JMJD1C: variants seen among roughly 807,000 people sequenced by gnomAD.
JMJD1C encodes jumonji domain containing 1C, also known as jumonji domain-containing protein 1C.
JMJD1C carries 31 observed loss-of-function variants against 245.3 expected under a neutral mutation model. The ratio of observed to expected loss-of-function variants is 0.13; its 90% CI spans 0.09 to 0.17. The LOEUF is 0.17. JMJD1C is among the 10% of genes least tolerant of loss of function. The pLI, the probability that JMJD1C is intolerant of heterozygous loss-of-function variation, is 1.00. For synonymous variants in JMJD1C, 1,057 were observed against 1,017.4 expected (o/e 1.04, Z -0.74); for missense variants, 2,691 against 3,000.2 (o/e 0.90, Z 2.41).
intron 2 of JMJD1C, among the ~76,000 whole-genome samples, chr10:63,292,568 G>C (rs1327282294): frequency 6.6e-6 from 1 of 151,970 alleles, no homozygotes; most frequent in South Asian, 2.1e-4. Flanking sequence ...CCGAGATCAC[G>C]CCACTGCACT....
intron 1 of JMJD1C, among the ~76,000 whole-genome samples, chr10:63,443,356 C>T (rs552796402): frequency 1.1e-3 from 168 of 152,234 alleles, no homozygotes; most frequent in Non-Finnish European, 1.5e-3. Context: ...CTGTCACCCA[C>T]GCTGGGATGC....
At chr10:63,204,464 G>A (rs1846370106) in intron 10 of JMJD1C, 1 of 985,168 alleles carries the variant, frequency 1.0e-6, no homozygotes, top group South Asian at 4.7e-5. Flanking sequence ...AGTTTTCTAG[G>A]CATTAAAACC....
At chr10:63,307,007 C>G (rs960035225) in intron 2 of JMJD1C, among the ~76,000 whole-genome samples, 1 of 152,130 alleles carries the variant, frequency 6.6e-6, no homozygotes, top group Non-Finnish European at 1.5e-5. Flanking sequence ...TCGAACTGTA[C>G]TGTAACGTAA....
At chr10:63,231,957 C>T (rs11593336) in intron 3 of JMJD1C, among the ~76,000 whole-genome samples, 2,419 of 152,186 alleles carry the variant, frequency 0.016, 34 homozygotes, top group Middle Eastern at 0.037. Context: ...CCTGCCTCAG[C>T]CTCCTGAGTA....
intron 2 of JMJD1C, among the ~76,000 whole-genome samples, chr10:63,302,915 C>T (rs1860271911): frequency 6.6e-6 from 1 of 152,036 alleles, no homozygotes; most frequent in African/African-American, 2.4e-5. Context: ...ATAGAGACTA[C>T]TTTTTCTGAG....
chr10:63,511,133 C>A (rs988074278), intron 1 of JMJD1C, among the ~76,000 whole-genome samples: 3 of 152,126 alleles, frequency 2.0e-5, no homozygotes, highest in Non-Finnish European at 2.9e-5. Flanking sequence ...CTCTACTAAT[C>A]TCTGTCTTTT....
In JMJD1C at chr10:63,465,551, G is replaced by C; in HGVS notation, c.112C>G (p.Arg38Gly). The C allele has an allele frequency of 6.2e-7, 1 of 1,601,124 alleles. No homozygotes were observed. Among genetic ancestry groups the C allele is most frequent in the South Asian group, 1.1e-5 (1 of 90,346 alleles). ...WESGRGWRSW[R>G]AGVIRAVSHR... ...GACACGGCTCGGATGACCCCCGCTC[G>C]CCAGCTTCGCCAGCCGCGTCCGCTC... The change falls in exon 1 of 26, where the codon CGA becomes GGA. Residue 38 changes from arginine to glycine, a missense_variant. Transcript: ENST00000399262.
At chr10:63,407,425 C>T (rs56302130) in intron 1 of JMJD1C, among the ~76,000 whole-genome samples, 2,019 of 152,234 alleles carry the variant, frequency 0.013, 31 homozygotes, top group African/African-American at 0.034. Context: ...AGATAAAGCA[C>T]TGACAGATTT....
At chr10:63,427,680 A>G in intron 1 of JMJD1C, 2 of 1,308,214 alleles carry the variant, frequency 1.5e-6, no homozygotes, top group Non-Finnish European at 2.2e-6. Flanking sequence ...AAATCCGCAG[A>G]GAAGCCTGGG....
At chr10:63,298,273 G>A (rs1339714370) in intron 2 of JMJD1C, among the ~76,000 whole-genome samples, 1 of 152,164 alleles carries the variant, frequency 6.6e-6, no homozygotes, top group East Asian at 1.9e-4. Context: ...GAGCCCAGTG[G>A]GAATAAGCAA....
chr10:63,282,230 A>G (rs1857493857), intron 2 of JMJD1C, among the ~76,000 whole-genome samples: 1 of 152,222 alleles, frequency 6.6e-6, no homozygotes, highest in South Asian at 2.1e-4. Context: ...ACAATCTGGA[A>G]GCCAAATTTT....
chr10:63,513,205 G>A (rs185602547), intron 1 of JMJD1C, among the ~76,000 whole-genome samples: 81 of 152,096 alleles, frequency 5.3e-4, no homozygotes, highest in African/African-American at 1.9e-3. Context: ...ATAAGCAATG[G>A]GGAAAGGATT....
At chr10:63,464,698 CA>C (rs34490360) in intron 1 of JMJD1C, among the ~76,000 whole-genome samples, 67,650 of 143,160 alleles carry the variant, frequency 0.47, 15,928 homozygotes, top group East Asian at 0.68. Flanking sequence ...TGTAAGAAAC[CA>C]AAAAAAAAAA....
chr10:63,271,772 C>A (rs1279166837), intron 2 of JMJD1C, among the ~76,000 whole-genome samples: 1 of 152,124 alleles, frequency 6.6e-6, no homozygotes, highest in African/African-American at 2.4e-5. Context: ...CCCTTTAAAT[C>A]TACTCCAGAA....
At chr10:63,258,576 T>C (rs1393099112) in intron 3 of JMJD1C, among the ~76,000 whole-genome samples, 2 of 152,180 alleles carry the variant, frequency 1.3e-5, no homozygotes, top group Non-Finnish European at 2.9e-5. Context: ...AATTATGCTG[T>C]TCCTCCTGGC....
At chr10:63,368,448 T>G (rs2063772374) in intron 2 of JMJD1C, among the ~76,000 whole-genome samples, 1 of 152,162 alleles carries the variant, frequency 6.6e-6, no homozygotes, top group South Asian at 2.1e-4. Context: ...GTAAGTAGCT[T>G]TGTTCTTAAA....
intron 2 of JMJD1C, among the ~76,000 whole-genome samples, chr10:63,322,998 A>C (rs1255754071): frequency 2.6e-5 from 4 of 151,848 alleles, no homozygotes; most frequent in Non-Finnish European, 5.9e-5. Flanking sequence ...ATAAAAATTT[A>C]ACATATACAT....
chr10:63,415,056 A>T (rs149967111), intron 1 of JMJD1C, among the ~76,000 whole-genome samples: 63 of 152,254 alleles, frequency 4.1e-4, no homozygotes, highest in African/African-American at 1.5e-3. Context: ...CCAACTTTGC[A>T]ATTTAATCCT....
chr10:63,521,763 C>T (rs1328052023), exon 1 of JMJD1C: 9 of 355,864 alleles, frequency 2.5e-5, no homozygotes, highest in Non-Finnish European at 4.0e-5. Context: ...TGCGGAGCTC[C>T]CTGCGACGGC....
Sources: allele counts gnomAD v4.1 joint callset (sites outside exome capture counted in the v4.1 genomes callset), GRCh38; gene constraint gnomAD v4.1.1; transcripts MANE v1.5; gene names NCBI Gene and HGNC (gene_info 2026-07-23, HGNC 2026-07-21).